Variants in GPR158 observed in about 807,000 individuals in gnomAD.
GPR158 encodes the protein metabotropic glycine receptor.
A neutral mutation model predicts 78.2 loss-of-function variants in GPR158; 30 were observed. That is an observed-to-expected ratio of 0.38 (90% CI 0.29 to 0.52). GPR158 has a LOEUF of 0.52. Among genes scored for constraint, GPR158 ranks in the 20% least tolerant of loss-of-function variants. The pLI is 0.83. For missense variants in GPR158, 1,463 were observed against 1,523.5 expected, an observed-to-expected ratio of 0.96 and a Z score of 0.66; for synonymous variants, 581 against 591.1, an observed-to-expected ratio of 0.98 and a Z score of 0.25.
intron 2 of GPR158, among the ~76,000 whole-genome samples, chr10:25,378,441 A>C (rs1760770): frequency 4.0e-5 from 6 of 151,514 alleles, no homozygotes; most frequent in African/African-American, 9.7e-5. Context: ...AACCTGACAG[A>C]CTGCTTGCCT....
intron 2 of GPR158, among the ~76,000 whole-genome samples, chr10:25,326,462 C>T (rs181306437): frequency 6.6e-6 from 1 of 152,056 alleles, no homozygotes; most frequent in African/African-American, 2.4e-5. Context: ...ATAAGGTTTG[C>T]AAATGTTTTC....
intron 4 of GPR158, among the ~76,000 whole-genome samples, chr10:25,433,470 A>T (rs1421847196): frequency 6.6e-6 from 1 of 151,696 alleles, no homozygotes; most frequent in Non-Finnish European, 1.5e-5. Context: ...CACGCTTTTG[A>T]ATTTAGCAGT....
At chr10:25,552,325 C>T (rs1836737198) in intron 6 of GPR158, among the ~76,000 whole-genome samples, 1 of 152,170 alleles carries the variant, frequency 6.6e-6, no homozygotes. Context: ...TCTTCAACTA[C>T]CTTCCAGGTT....
chr10:25,529,620 A>G (rs1836396772), intron 5 of GPR158, among the ~76,000 whole-genome samples: 1 of 152,228 alleles, frequency 6.6e-6, no homozygotes, highest in African/African-American at 2.4e-5. Flanking sequence ...CGCAATATAA[A>G]GGTTACTAAT....
chr10:25,277,520 G>A (rs376468065), intron 2 of GPR158, among the ~76,000 whole-genome samples: 2 of 151,688 alleles, frequency 1.3e-5, no homozygotes, highest in Non-Finnish European at 2.9e-5. Context: ...ACAAACAAAC[G>A]AACAAGAAAC....
intron 6 of GPR158, among the ~76,000 whole-genome samples, chr10:25,558,486 G>A (rs7902318): frequency 0.25 from 37,999 of 152,082 alleles, 9,363 homozygotes; most frequent in African/African-American, 0.61. Context: ...GTCAAGGTGA[G>A]GCTCTGCTCC....
At chr10:25,426,889 G>C (rs1433704343) in intron 4 of GPR158, among the ~76,000 whole-genome samples, 1 of 152,072 alleles carries the variant, frequency 6.6e-6, no homozygotes, top group Non-Finnish European at 1.5e-5. Flanking sequence ...ATAAAGTGAA[G>C]CTCGATAAAA....
Position 25,245,411 on chromosome 10 carries a change from AG to A in GPR158, c.1008+24255del, listed in dbSNP as rs1355452866. Among the ~76,000 whole-genome samples the A allele has an allele frequency of 2.0e-5, 3 of 152,190 alleles. 1 individual carries two copies. Among genetic ancestry groups the A allele is most frequent in the African/African-American group, 2.4e-5 (1 of 41,440 alleles). ...ATGATAGAGGGTTCAGAGAAGAGGA[AG>A]AAAGGATTAAAAAAAAAACTAACTC... is the stretch of plus-strand genomic sequence containing the variant. On this transcript the variant is annotated intron_variant, in intron 2 of 10. Coordinates refer to ENST00000376351, the MANE Select transcript of GPR158 (RefSeq NM_020752.3).
chr10:25,521,094 A>C (rs1369955860), intron 5 of GPR158, among the ~76,000 whole-genome samples: 2 of 152,182 alleles, frequency 1.3e-5, no homozygotes, highest in South Asian at 2.1e-4. Context: ...CCCGTCGGAA[A>C]AGCGCAGTAT....
chr10:25,213,273 G>C (rs978450226), intron 1 of GPR158, among the ~76,000 whole-genome samples: 2 of 152,148 alleles, frequency 1.3e-5, no homozygotes, highest in African/African-American at 4.8e-5. Context: ...TCTCCCGTAA[G>C]AGTAATGTTG....
chr10:25,430,203 C>T (rs1480971395), intron 4 of GPR158, among the ~76,000 whole-genome samples: 1 of 152,160 alleles, frequency 6.6e-6, no homozygotes, highest in East Asian at 1.9e-4. Flanking sequence ...CACAAGCATT[C>T]TTATACACCA....
At chr10:25,525,373 A>G (rs530741379) in intron 5 of GPR158, among the ~76,000 whole-genome samples, 1 of 152,242 alleles carries the variant, frequency 6.6e-6, no homozygotes, top group Non-Finnish European at 1.5e-5. Context: ...AGTGGAAGCA[A>G]TTCGCATGTT....
Position 25,368,809 on chromosome 10 carries a change from A to G in GPR158, c.1009-27102A>G, listed in dbSNP as rs1035304905. Among the ~76,000 whole-genome samples the G allele has an allele frequency of 7.1e-4, 102 of 143,916 alleles. 2 individuals are homozygous for G. Among genetic ancestry groups the G allele is most frequent in the Non-Finnish European group, 2.3e-4 (15 of 65,356 alleles). 94.4% of individuals were successfully genotyped at this position (143,916 alleles called of 152,430 possible). A position where few individuals can be genotyped will look rare whatever the true frequency, so the allele number is the denominator to read the frequency against. On this transcript the variant is annotated intron_variant, in intron 2 of 10. Coordinates refer to ENST00000376351, the MANE Select transcript of GPR158 (RefSeq NM_020752.3). Reference sequence around the variant, plus strand: ...GATTCTTCCTACCCATGAGCATGGAATGTTCTTCCATTTGTTTGTATCCTC... The same window carrying G: ...GATTCTTCCTACCCATGAGCATGGAGTGTTCTTCCATTTGTTTGTATCCTC...
At chr10:25,218,473 G>A (rs1853250577) in intron 1 of GPR158, among the ~76,000 whole-genome samples, 1 of 152,194 alleles carries the variant, frequency 6.6e-6, no homozygotes, top group Admixed American at 6.5e-5. Flanking sequence ...CGATGTCTGA[G>A]TAAGCTGGAA....
intron 5 of GPR158, among the ~76,000 whole-genome samples, chr10:25,499,753 C>A (rs1330928088): frequency 6.6e-6 from 1 of 152,134 alleles, no homozygotes. Flanking sequence ...TGTGCACACA[C>A]CCACAACAAC....
At chr10:25,275,258 G>A (rs1207208069) in intron 2 of GPR158, among the ~76,000 whole-genome samples, 1 of 152,082 alleles carries the variant, frequency 6.6e-6, no homozygotes, top group Non-Finnish European at 1.5e-5. Context: ...CAATCATCTG[G>A]GGAACCTGTC....
chr10:25,278,990 T>C (rs1277591258), intron 2 of GPR158, among the ~76,000 whole-genome samples: 1 of 152,056 alleles, frequency 6.6e-6, no homozygotes, highest in Non-Finnish European at 1.5e-5. Flanking sequence ...TGTGTGAAAT[T>C]ATGAGCTTTA....
At chr10:25,443,936 T>C (rs1325237949) in intron 4 of GPR158, among the ~76,000 whole-genome samples, 1 of 151,998 alleles carries the variant, frequency 6.6e-6, no homozygotes, top group Non-Finnish European at 1.5e-5. Context: ...CCTATTGCAG[T>C]TTTGGGTATG....
At chr10:25,355,507 A>G (rs1037187569) in intron 2 of GPR158, among the ~76,000 whole-genome samples, 2 of 152,108 alleles carry the variant, frequency 1.3e-5, no homozygotes, top group Non-Finnish European at 2.9e-5. Context: ...ATATATCACC[A>G]TCTTGTTACT....
Sources: allele counts gnomAD v4.1 joint callset (sites outside exome capture counted in the v4.1 genomes callset), GRCh38; gene constraint gnomAD v4.1.1; transcripts MANE v1.5; gene names NCBI Gene and HGNC (gene_info 2026-07-23, HGNC 2026-07-21).